Variants in ANKLE2 observed in about 807,000 individuals in gnomAD.
ANKLE2 encodes the protein ankyrin repeat and LEM domain-containing protein 2.
ANKLE2 carries 55 observed loss-of-function variants against 84.2 expected under a neutral mutation model. The observed-to-expected ratio is 0.65, with a 90% CI of 0.53 to 0.82. The LOEUF is 0.82. ANKLE2 is among the 40% of genes least tolerant of loss of function. The pLI, the probability that ANKLE2 is intolerant of heterozygous loss-of-function variation, is 0.00. For missense variants in ANKLE2, 1,238 were observed against 1,201.9 expected, an observed-to-expected ratio of 1.03 and a Z score of -0.44; for synonymous variants, 551 against 486.1, an observed-to-expected ratio of 1.13 and a Z score of -1.76.
rs1186832542 is a variant in ANKLE2, at chr12:132,730,103, C to T, written c.2059G>A (p.Glu687Lys). The T allele has an allele frequency of 6.2e-7, 1 of 1,612,492 alleles. No individual in the cohort carries two copies. The highest frequency in any genetic ancestry group is 8.5e-7 in the Non-Finnish European group (1 of 1,179,694). Residue 687 changes from glutamate (E) to lysine (K), a missense_variant, in exon 11 of 13, where the codon GAA becomes AAA. Physicochemically the swap from Glu to Lys is moderately conservative, Grantham distance 56. Coordinates refer to ENST00000357997, the MANE Select transcript of ANKLE2 (RefSeq NM_015114.3). ...FPLEQEADLI[E>K]AAEPGGPHSS... ...TGTGGACCTCCCGGCTCGGCGGCTT[C>T]TATGAGGTCTGCCTCCTGCTCCAAG...
intron 7 of ANKLE2, among the ~76,000 whole-genome samples, chr12:132,739,276 G>A (rs200511561): frequency 4.1e-4 from 63 of 152,236 alleles, no homozygotes; most frequent in Non-Finnish European, 7.4e-4. Context: ...GAAAAAGTAC[G>A]ACAATTTCCA....
chr12:132,761,636 C>T lies in ANKLE2; in HGVS notation c.163G>A (p.Ala55Thr). Residue 55 changes from alanine to threonine, a missense_variant, in exon 1 of 13, where the codon GCC (alanine) becomes ACC (threonine). Coordinates refer to ENST00000357997, the MANE Select transcript of ANKLE2 (RefSeq NM_015114.3). ...SGTPVPPPSAAAAPASGEMTM... is the reference protein window; with the variant it reads ...SGTPVPPPSATAAPASGEMTM... ...GCCTTACCTGAGGCGGGGGCGGCGG[C>T]CGCGCTTGGCGGAGGAACTGGGGTC... The T allele has an allele frequency of 7.9e-7, 1 of 1,261,742 alleles. No homozygotes were observed. The highest frequency in any genetic ancestry group is 1.0e-6 in the Non-Finnish European group (1 of 1,004,608). 78.2% of individuals were successfully genotyped at this position (1,261,742 alleles called of 1,614,324 possible). A position where few individuals can be genotyped will look rare whatever the true frequency, so the allele number is the denominator to read the frequency against.
intron 5 of ANKLE2, chr12:132,745,774 A>C (rs543393362): frequency 5.9e-6 from 1 of 170,716 alleles, no homozygotes; most frequent in South Asian, 1.3e-4. Flanking sequence ...GCTTACGCTC[A>C]GCTGCAGAGC....
At position 132,729,991 on chromosome 12, in the gene ANKLE2, G is replaced by A. The variant is rs781633125; in HGVS notation, c.2171C>T (p.Ala724Val). ...CAAATCCGAGACAGGTGGCAGATGG[G>A]CTTCCTCCCCACGGGGGGCCTTTGG... ...KRPKAPRGEE[A>V]HLPPVSDLTV... The change falls in exon 11 of 13, where the codon GCC (alanine) becomes GTC (valine). Residue 724 changes from alanine (A) to valine (V), a missense_variant. Ala to Val is a moderately conservative substitution (Grantham distance 64). Coordinates refer to ENST00000357997, the MANE Select transcript of ANKLE2 (RefSeq NM_015114.3). 5.0e-6 allele frequency: 8 copies of A among 1,613,272 alleles called. No individual in the cohort carries two copies. The Admixed American group carries it at 6.7e-5, about 13-fold the overall frequency.
chr12:132,749,006 G>C (rs991302138), intron 3 of ANKLE2: 5 of 151,774 alleles, frequency 3.3e-5, no homozygotes, highest in African/African-American at 1.2e-4. Flanking sequence ...CACCACACCC[G>C]GCCAGTGAAC....
chr12:132,758,331 C>T (rs1169897273), intron 1 of ANKLE2: 1 of 152,126 alleles, frequency 6.6e-6, no homozygotes, highest in Admixed American at 6.6e-5. Context: ...ATCGCTTGAA[C>T]TGGGCAGGCA....
chr12:132,738,356 T>G (rs1024607525), intron 7 of ANKLE2: 1 of 152,196 alleles, frequency 6.6e-6, no homozygotes, highest in Non-Finnish European at 1.5e-5. Context: ...TCAAGCCATA[T>G]AGGATAGTGT....
At chr12:132,754,536 C>T (rs890235851) in intron 2 of ANKLE2, 139 bp downstream of exon 2, 1 of 762,684 alleles carries the variant, frequency 1.3e-6, no homozygotes, top group Admixed American at 3.3e-5. Context: ...AAAATGTTAA[C>T]AATGGTTAAC....
intron 7 of ANKLE2, among the ~76,000 whole-genome samples, chr12:132,741,210 A>G (rs2044115576): frequency 6.6e-6 from 1 of 152,244 alleles, no homozygotes; most frequent in Non-Finnish European, 1.5e-5. Context: ...GAACAGATAC[A>G]AGACTTCAGA....
chr12:132,732,725 C>T (rs1362285653), intron 10 of ANKLE2, among the ~76,000 whole-genome samples: 2 of 115,674 alleles, frequency 1.7e-5, no homozygotes, highest in African/African-American at 3.2e-5. Context: ...AAGCTCTCTG[C>T]GTCCTGGTGT....
intron 2 of ANKLE2, among the ~76,000 whole-genome samples, chr12:132,752,708 C>T (rs1174431716): frequency 2.0e-5 from 3 of 152,106 alleles, no homozygotes; most frequent in Non-Finnish European, 4.4e-5. Context: ...AACAATATTC[C>T]ATTCTATTCA....
chr12:132,753,968 C>T (rs1053165426), intron 2 of ANKLE2, among the ~76,000 whole-genome samples: 2 of 152,056 alleles, frequency 1.3e-5, no homozygotes, highest in Admixed American at 6.6e-5. Flanking sequence ...AATGGCCAGG[C>T]GCGGTGGCTC....
intron 11 of ANKLE2, among the ~76,000 whole-genome samples, chr12:132,728,901 T>C (rs1478618748): frequency 2.0e-5 from 3 of 152,182 alleles, no homozygotes; most frequent in Admixed American, 6.5e-5. Flanking sequence ...CCTAGAAGGA[T>C]TTAGAAGAGA....
Position 132,734,426 on chromosome 12 carries a change from C to T in ANKLE2, c.1850G>A (p.Gly617Glu). Residue 617 changes from glycine to glutamate, a missense_variant, in exon 10 of 13, where the codon GGA (glycine) becomes GAA (glutamate). By Grantham distance (98) the Gly-to-Glu change is moderately conservative (BLOSUM62 -2). Coordinates refer to ENST00000357997, the MANE Select transcript of ANKLE2 (RefSeq NM_015114.3). ...ATCTCGGCAGGAGGCTTCCCGTTCT[C>T]CTGTTTCTTGTTGAGCCTTTTTGCC... ...EIGKKAQQETGEREASCRDKA... is the reference protein window; with the variant it reads ...EIGKKAQQETEEREASCRDKA... The T allele has an allele frequency of 6.2e-7, 1 of 1,614,138 alleles. No homozygotes were observed. The highest frequency in any genetic ancestry group is 8.5e-7 in the Non-Finnish European group (1 of 1,180,016).
At chr12:132,737,184 A>C in intron 7 of ANKLE2, 119 bp from the exon 8 acceptor site, 1 of 1,110,518 alleles carries the variant, frequency 9.0e-7, no homozygotes, top group Non-Finnish European at 1.2e-6. Context: ...GATCCAACAG[A>C]CGGGGCAGAG....
intron 11 of ANKLE2, among the ~76,000 whole-genome samples, chr12:132,728,587 C>T (rs571527700): frequency 7.9e-5 from 12 of 152,166 alleles, no homozygotes; most frequent in African/African-American, 2.9e-4. Flanking sequence ...GTGCAAGGAT[C>T]GATCTGGCCT....
At chr12:132,751,868 GA>G (rs1340013876) in intron 2 of ANKLE2, among the ~76,000 whole-genome samples, 2 of 152,006 alleles carry the variant, frequency 1.3e-5, no homozygotes, top group African/African-American at 4.8e-5. Flanking sequence ...AACATGCCAA[GA>G]AACCATTCAA....
In ANKLE2 at chr12:132,761,615, T is replaced by C. The variant is rs2044627600; in HGVS notation, c.181+3A>G. ...GGGGACCCAGCGACCGCCTGGGCCT[T>C]ACCTGAGGCGGGGGCGGCGGCCGCG... On this transcript the variant is annotated splice_donor_region_variant and intron_variant, in intron 1 of 12. Transcript: ENST00000357997. 3.2e-6 allele frequency: 4 copies of C among 1,249,156 alleles called. No individual in the cohort carries two copies. The highest frequency in any genetic ancestry group is 4.0e-6 in the Non-Finnish European group (4 of 996,246). 77.4% of individuals were successfully genotyped at this position (1,249,156 alleles called of 1,614,324 possible).
intron 1 of ANKLE2, chr12:132,756,694 G>A (rs1475404064): frequency 1.3e-5 from 2 of 152,244 alleles, no homozygotes; most frequent in African/African-American, 2.4e-5. Context: ...TTGGGAGACC[G>A]AGGTGGGTGG....
Sources: gnomAD v4.1 joint callset for allele counts (sites outside exome capture counted in the v4.1 genomes callset) on GRCh38, gnomAD v4.1.1 for gene constraint, MANE v1.5 for transcripts, NCBI Gene and HGNC (gene_info 2026-07-23, HGNC 2026-07-21) for gene names.